Variants in ARHGAP15 observed in about 807,000 individuals in gnomAD.
ARHGAP15 encodes the protein rho GTPase-activating protein 15.
A neutral mutation model predicts 63.7 loss-of-function variants in ARHGAP15; 51 were observed. The ratio of observed to expected loss-of-function variants is 0.80; its 90% CI spans 0.64 to 1.01. ARHGAP15 has a LOEUF of 1.01. ARHGAP15 is among the 50% of genes least tolerant of loss of function. ARHGAP15 has a pLI of 0.00. For missense variants in ARHGAP15, 560 were observed against 564.6 expected (o/e 0.99, Z 0.08); for synonymous variants, 191 against 193.8 (o/e 0.99, Z 0.12).
At chr2:143,707,989 GTT>G (rs1684408864) in intron 13 of ARHGAP15, among the ~76,000 whole-genome samples, 1 of 152,148 alleles carries the variant, frequency 6.6e-6, no homozygotes, top group Non-Finnish European at 1.5e-5. Flanking sequence ...TCGTTCCTGT[GTT>G]TCTTTTTACC....
At chr2:143,428,254 G>A (rs1166400060) in intron 6 of ARHGAP15, among the ~76,000 whole-genome samples, 4 of 151,998 alleles carry the variant, frequency 2.6e-5, no homozygotes, top group African/African-American at 7.2e-5. Context: ...TAAAGTATGG[G>A]ACAGCTGGGG....
At chr2:143,595,258 G>A (rs951495309) in intron 11 of ARHGAP15, among the ~76,000 whole-genome samples, 1 of 152,130 alleles carries the variant, frequency 6.6e-6, no homozygotes. Flanking sequence ...CAGAGCAGCT[G>A]ACTTGACCAG....
chr2:143,275,381 G>T (rs1025238704), intron 6 of ARHGAP15, among the ~76,000 whole-genome samples: 1 of 152,172 alleles, frequency 6.6e-6, no homozygotes, highest in Non-Finnish European at 1.5e-5. Context: ...ACTAGTAAGG[G>T]AATGGAATAA....
At chr2:143,140,630 T>A (rs1482016437) in intron 1 of ARHGAP15, among the ~76,000 whole-genome samples, 1 of 152,142 alleles carries the variant, frequency 6.6e-6, no homozygotes, top group Admixed American at 6.6e-5. Flanking sequence ...AACTAGGAAG[T>A]CCTGAGAGTA....
chr2:143,702,395 A>T (rs1397241158), intron 12 of ARHGAP15, among the ~76,000 whole-genome samples: 1 of 152,208 alleles, frequency 6.6e-6, no homozygotes, highest in Non-Finnish European at 1.5e-5. Flanking sequence ...TATGACCAGG[A>T]AATATGCTAT....
intron 6 of ARHGAP15, among the ~76,000 whole-genome samples, chr2:143,417,752 A>G (rs1433331771): frequency 6.6e-6 from 1 of 152,184 alleles, no homozygotes; most frequent in African/African-American, 2.4e-5. Flanking sequence ...CTGCACTCAA[A>G]GTTATAGGCT....
intron 12 of ARHGAP15, among the ~76,000 whole-genome samples, chr2:143,672,944 AG>A (rs1559118158): frequency 6.6e-6 from 1 of 152,166 alleles, no homozygotes; most frequent in African/African-American, 2.4e-5. Flanking sequence ...TCCATAATAG[AG>A]TGTCTGCTAA....
At chr2:143,223,040 G>A (rs763787666) in intron 4 of ARHGAP15, among the ~76,000 whole-genome samples, 4 of 152,056 alleles carry the variant, frequency 2.6e-5, no homozygotes, top group Non-Finnish European at 4.4e-5. Flanking sequence ...GCAGTGGCGC[G>A]AACTTGGCTC....
rs138997418 is a variant in ARHGAP15 at position 143,377,991 on chromosome 2, A to G, written c.475-57610A>G. 9.7e-3 allele frequency among the ~76,000 whole-genome samples: 1,477 copies of G among 152,200 alleles called. 24 individuals carry two copies. Among genetic ancestry groups the G allele is most frequent in the African/African-American group, 0.034 (1,421 of 41,568 alleles). On this transcript the variant is annotated intron_variant, in intron 6 of 13. Coordinates refer to ENST00000295095, the MANE Select transcript of ARHGAP15 (RefSeq NM_018460.4). The stretch of plus-strand genomic sequence containing the variant: ...ATTAATTTAATACACTCAGAATGTC[A>G]TAACACTTAATGAGTAGAATACTTT...
In ARHGAP15 at chr2:143,132,140, G is replaced by T. The variant is rs540131423; in HGVS notation, c.-15+2674G>T. On this transcript the variant is annotated intron_variant, in intron 1 of 13. Coordinates refer to ENST00000295095, the MANE Select transcript of ARHGAP15 (RefSeq NM_018460.4). Reference sequence around the variant, plus strand: ...GAATTTAATTCTTTGGATACTAAAAGCATATTTTTTACACTGTACAATAAA... The same window carrying T: ...GAATTTAATTCTTTGGATACTAAAATCATATTTTTTACACTGTACAATAAA... Among the ~76,000 whole-genome samples the T allele has an allele frequency of 4.6e-5, 7 of 152,190 alleles. No individual in the cohort carries two copies. In the South Asian group the frequency reaches 1.2e-3, roughly 27 times the overall value.
intron 6 of ARHGAP15, among the ~76,000 whole-genome samples, chr2:143,412,643 T>A (rs10205056): frequency 0.9 from 136,865 of 152,186 alleles, 61,806 homozygotes; most frequent in Middle Eastern, 0.98. Flanking sequence ...ATGGTATAGC[T>A]AGGACGGATT....
At chr2:143,552,006 C>T (rs985921837) in intron 10 of ARHGAP15, among the ~76,000 whole-genome samples, 4 of 152,204 alleles carry the variant, frequency 2.6e-5, no homozygotes, top group Admixed American at 6.5e-5. Context: ...GAGACAGAAA[C>T]GTGCAGCGTT....
chr2:143,476,392 G>C (rs1300617299), intron 8 of ARHGAP15, among the ~76,000 whole-genome samples: 3 of 152,142 alleles, frequency 2.0e-5, no homozygotes, highest in Non-Finnish European at 4.4e-5. Context: ...GGGAAGAAAG[G>C]CACAATGCAA....
At chr2:143,428,074 T>C (rs1689208444) in intron 6 of ARHGAP15, among the ~76,000 whole-genome samples, 1 of 152,074 alleles carries the variant, frequency 6.6e-6, no homozygotes, top group Non-Finnish European at 1.5e-5. Context: ...AACAAGGCAT[T>C]GCAACATAAA....
At chr2:143,308,209 CATAA>C (rs1683266411) in intron 6 of ARHGAP15, among the ~76,000 whole-genome samples, 1 of 151,866 alleles carries the variant, frequency 6.6e-6, no homozygotes, top group Non-Finnish European at 1.5e-5. Context: ...AATAGAATAC[CATAA>C]ATAGACTTAA....
chr2:143,552,638 C>G (rs1323113018), intron 10 of ARHGAP15, among the ~76,000 whole-genome samples: 1 of 152,018 alleles, frequency 6.6e-6, no homozygotes, highest in Non-Finnish European at 1.5e-5. Context: ...ACAGTAAACA[C>G]TATTTTGAAA....
chr2:143,208,183 G>T (rs1442513308), intron 3 of ARHGAP15, among the ~76,000 whole-genome samples: 1 of 151,986 alleles, frequency 6.6e-6, no homozygotes, highest in Non-Finnish European at 1.5e-5. Flanking sequence ...CTAAAATGTT[G>T]GGATATATAA....
intron 11 of ARHGAP15, among the ~76,000 whole-genome samples, chr2:143,567,518 A>C: frequency 6.6e-6 from 1 of 151,988 alleles, no homozygotes; most frequent in East Asian, 1.9e-4. Flanking sequence ...TTCCACCTCC[A>C]CCTGAAGTAA....
chr2:143,299,462 A>G (rs1402834872), intron 6 of ARHGAP15, among the ~76,000 whole-genome samples: 1 of 152,016 alleles, frequency 6.6e-6, no homozygotes, highest in Non-Finnish European at 1.5e-5. Flanking sequence ...ATCTCATTAT[A>G]AACATATATT....
Sources: gnomAD v4.1 joint callset for allele counts (sites outside exome capture counted in the v4.1 genomes callset) on GRCh38, gnomAD v4.1.1 for gene constraint, MANE v1.5 for transcripts, NCBI Gene and HGNC (gene_info 2026-07-23, HGNC 2026-07-21) for gene names.